ADAMTS3: variants seen among roughly 807,000 people sequenced by gnomAD.
ADAMTS3 encodes the protein ADAM metallopeptidase with thrombospondin type 1 motif 3.
A neutral mutation model predicts 129.0 loss-of-function variants in ADAMTS3; 73 were observed. The ratio of observed to expected loss-of-function variants is 0.57; its 90% CI spans 0.47 to 0.69. ADAMTS3 has a LOEUF of 0.69. Ranked by LOEUF, ADAMTS3 falls within the 30% of genes least tolerant of loss-of-function variation. The pLI is 0.00. For missense variants in ADAMTS3, 1,457 were observed against 1,514.5 expected (o/e 0.96, Z 0.63); for synonymous variants, 477 against 510.8 (o/e 0.93, Z 0.89).
At chr4:72,336,281 C>A (rs1421751888) in intron 5 of ADAMTS3, among the ~76,000 whole-genome samples, 2 of 152,170 alleles carry the variant, frequency 1.3e-5, no homozygotes, top group African/African-American at 4.8e-5. Flanking sequence ...CTCTCCAGGA[C>A]CCTATCTGAC....
chr4:72,517,051 G>A lies in ADAMTS3; in HGVS notation c.504+31427C>T, dbSNP rs536037430. Among the ~76,000 whole-genome samples the A allele has an allele frequency of 6.2e-3, 940 of 152,076 alleles. 4 individuals carry two copies. Among genetic ancestry groups the A allele is most frequent in the Middle Eastern group, 0.058 (17 of 292 alleles). On this transcript the variant is annotated intron_variant, in intron 3 of 21. Transcript: ENST00000286657. ...TTGAGAGTTTTTAGCATGAAGGGCT[G>A]TTGAATTTTGTCAAAGGCCTTTTCT... is the stretch of plus-strand genomic sequence containing the variant.
rs530494153 is a variant in ADAMTS3, at chr4:72,533,182, G to A, written c.504+15296C>T. Among the ~76,000 whole-genome samples, 7 of 151,880 alleles carry A rather than the reference G, an allele frequency of 4.6e-5. No individual in the cohort carries two copies. The South Asian group carries it at 1.2e-3, about 27-fold the overall frequency. On this transcript the variant is annotated intron_variant, in intron 3 of 21. Coordinates refer to ENST00000286657, the MANE Select transcript of ADAMTS3 (RefSeq NM_014243.3). ...TTTTCTTTATATACCTATTCTATAA[G>A]GCTTGTCTAATTTTAAATTAAAAAA...
chr4:72,509,614 G>A (rs1057307654), intron 3 of ADAMTS3, among the ~76,000 whole-genome samples: 3 of 151,942 alleles, frequency 2.0e-5, no homozygotes, highest in Non-Finnish European at 4.4e-5. Flanking sequence ...CAAGATTGAA[G>A]CCATAATGAA....
At chr4:72,514,556 G>C (rs1720404384) in intron 3 of ADAMTS3, among the ~76,000 whole-genome samples, 1 of 152,068 alleles carries the variant, frequency 6.6e-6, no homozygotes, top group Non-Finnish European at 1.5e-5. Context: ...GCTTCTCTGA[G>C]CTCACTCAGC....
chr4:72,520,399 G>A (rs1720631718), intron 3 of ADAMTS3, among the ~76,000 whole-genome samples: 1 of 152,218 alleles, frequency 6.6e-6, no homozygotes, highest in Admixed American at 6.5e-5. Flanking sequence ...TAAGTCTGCA[G>A]AGGTTACTGC....
chr4:72,315,304 G>C (rs1170686235), intron 11 of ADAMTS3, among the ~76,000 whole-genome samples: 1 of 152,130 alleles, frequency 6.6e-6, no homozygotes, highest in Non-Finnish European at 1.5e-5. Context: ...TTGGAAAAAG[G>C]GTCTTTGCAA....
At chr4:72,533,600 C>T (rs975429661) in intron 3 of ADAMTS3, among the ~76,000 whole-genome samples, 2 of 41,862 alleles carry the variant, frequency 4.8e-5, no homozygotes, top group African/African-American at 1.3e-4. Flanking sequence ...TATGTATACA[C>T]ATATGCACAT....
chr4:72,559,178 T>C (rs1162117159), intron 2 of ADAMTS3, among the ~76,000 whole-genome samples: 6 of 151,818 alleles, frequency 4.0e-5, no homozygotes, highest in Non-Finnish European at 8.8e-5. Flanking sequence ...CTTTGAAACC[T>C]CATCAATTTT....
intron 10 of ADAMTS3, among the ~76,000 whole-genome samples, chr4:72,318,061 A>C (rs1291618522): frequency 6.6e-6 from 1 of 151,758 alleles, no homozygotes; most frequent in Non-Finnish European, 1.5e-5. Context: ...TAGATCCAGG[A>C]CCTGACCCAC....
Position 72,339,676 on chromosome 4 carries a change from G to C in ADAMTS3, c.679C>G (p.Leu227Val). 6.2e-7 allele frequency: 1 copy of C among 1,613,734 alleles called. No individual in the cohort carries two copies. Among genetic ancestry groups the C allele is most frequent in the African/African-American group, 1.3e-5 (1 of 74,982 alleles). ...FHYRESDLEGLDDLGTVYGNI... is the reference protein window; with the variant it reads ...FHYRESDLEGVDDLGTVYGNI... ...CCATAAACAGTACCTAGATCATCAA[G>C]GCCTTCCAGGTCCGACTCTAATAAG... is the stretch of plus-strand genomic sequence containing the variant. The change falls in exon 5 of 22, where the codon CTT (leucine) becomes GTT (valine). Residue 227 changes from leucine (L) to valine (V), a missense_variant. Physicochemically the swap from Leu to Val is conservative, Grantham distance 32. Coordinates refer to ENST00000286657, the MANE Select transcript of ADAMTS3 (RefSeq NM_014243.3).
chr4:72,406,267 C>T (rs192880122), intron 4 of ADAMTS3, among the ~76,000 whole-genome samples: 122 of 152,206 alleles, frequency 8.0e-4, no homozygotes, highest in African/African-American at 2.7e-3. Flanking sequence ...AAAAAGATAG[C>T]CAGCCCAGCA....
At chr4:72,508,624 C>T (rs1025707378) in intron 3 of ADAMTS3, among the ~76,000 whole-genome samples, 1 of 152,022 alleles carries the variant, frequency 6.6e-6, no homozygotes, top group Non-Finnish European at 1.5e-5. Flanking sequence ...TTTCATAATA[C>T]CAATATTGAA....
rs1341078006 is a variant in ADAMTS3 at position 72,535,110 on chromosome 4, CAGCCAGTTAATACCATTCTCAG to C, written c.504+13346_504+13367del. ...TGCTTGGTCTGCTTTCTTGTCCAGGCAGCCAGTTAATACCATTCTCAGAGCCAGGTATGCAAAATAAAGGACT... is the reference window on the plus strand; with the variant it reads ...TGCTTGGTCTGCTTTCTTGTCCAGGCAGCCAGGTATGCAAAATAAAGGACT... On this transcript the variant is annotated intron_variant, in intron 3 of 21. Coordinates refer to ENST00000286657, the MANE Select transcript of ADAMTS3 (RefSeq NM_014243.3). Among the ~76,000 whole-genome samples, 3 of 152,236 alleles carry C rather than the reference CAGCCAGTTAATACCATTCTCAG, an allele frequency of 2.0e-5. No homozygotes were observed. The East Asian group carries it at 5.8e-4, about 29-fold the overall frequency.
chr4:72,385,137 G>A (rs1056806857), intron 4 of ADAMTS3, among the ~76,000 whole-genome samples: 8 of 151,598 alleles, frequency 5.3e-5, no homozygotes, highest in Non-Finnish European at 1.0e-4. Context: ...CCGAGATCCT[G>A]CCACTGCACT....
At chr4:72,504,348 G>A (rs1578741059) in intron 3 of ADAMTS3, among the ~76,000 whole-genome samples, 3 of 152,130 alleles carry the variant, frequency 2.0e-5, no homozygotes, top group South Asian at 4.1e-4. Context: ...GGTGAAATAT[G>A]AAATTCTTGA....
intron 3 of ADAMTS3, among the ~76,000 whole-genome samples, chr4:72,541,879 C>A (rs562847241): frequency 6.6e-6 from 1 of 152,066 alleles, no homozygotes; most frequent in Non-Finnish European, 1.5e-5. Flanking sequence ...TTCTTCATAG[C>A]AGCATTAAAA....
rs1359813274 is a variant in ADAMTS3 at position 72,456,763 on chromosome 4, G to T, written c.505-41792C>A. On this transcript the variant is annotated intron_variant, in intron 3 of 21. Transcript: ENST00000286657. ...CATACTATGCTGCACAGAATGGTAG[G>T]CTCCTCTTTAATTGGGGGTGCATTC... Among the ~76,000 whole-genome samples, 3 of 151,344 alleles carry T rather than the reference G, an allele frequency of 2.0e-5. No individual in the cohort carries two copies. The East Asian group carries it at 5.9e-4, about 30-fold the overall frequency.
chr4:72,474,887 C>T (rs1298809335), intron 3 of ADAMTS3, among the ~76,000 whole-genome samples: 4 of 151,362 alleles, frequency 2.6e-5, no homozygotes, highest in Non-Finnish European at 4.4e-5. Context: ...ATTAGCCGGG[C>T]GTAGTGGCGG....
intron 3 of ADAMTS3, among the ~76,000 whole-genome samples, chr4:72,531,934 G>A (rs1330502308): frequency 6.6e-6 from 1 of 151,940 alleles, no homozygotes; most frequent in Non-Finnish European, 1.5e-5. Context: ...CCAAGAAAGG[G>A]GACTAAAAGA....
Sources: gnomAD v4.1 joint callset for allele counts (sites outside exome capture counted in the v4.1 genomes callset) on GRCh38, gnomAD v4.1.1 for gene constraint, MANE v1.5 for transcripts, NCBI Gene and HGNC (gene_info 2026-07-23, HGNC 2026-07-21) for gene names.